The following POLN variants were observed in gnomAD, a reference collection of about 807,000 sequenced individuals.
POLN encodes DNA polymerase nu.
Under a neutral mutation model 113.5 loss-of-function variants are expected in POLN, and 108 were observed. The observed-to-expected ratio is 0.95, with a 90% confidence interval of 0.81 to 1.12. The LOEUF (loss-of-function observed/expected upper bound fraction) is 1.12, where lower values mean the gene tolerates loss of function less well. Ranked by LOEUF, POLN falls within the 50% of genes most tolerant of loss-of-function variation. The pLI is 0.00. For missense variants in POLN, 1,097 were observed against 1,077.1 expected, an observed-to-expected ratio of 1.02 and a Z score of -0.26; for synonymous variants, 386 against 391.5, an observed-to-expected ratio of 0.99 and a Z score of 0.17.
At chr4:2,089,907 G>C (rs541416423) in intron 20 of POLN, 2 of 999,318 alleles carry the variant, frequency 2.0e-6, no homozygotes, top group Admixed American at 4.0e-5. Context: ...GACTTTCACA[G>C]GAATCTCTTG....
chr4:2,156,122 G>A (rs1732417430), intron 16 of POLN, among the ~76,000 whole-genome samples: 2 of 152,142 alleles, frequency 1.3e-5, no homozygotes, highest in South Asian at 2.1e-4. Flanking sequence ...ATGAGCCACC[G>A]CGCCTGGCCT....
chr4:2,159,382 C>A (rs1732521321), intron 13 of POLN, among the ~76,000 whole-genome samples, 171 bp from the exon 14 acceptor site: 1 of 152,172 alleles, frequency 6.6e-6, no homozygotes, highest in Admixed American at 6.5e-5. Flanking sequence ...TAACCCCTTA[C>A]AAAACCATTC....
chr4:2,214,009 G>A (rs1367011410), intron 3 of POLN, among the ~76,000 whole-genome samples: 3 of 152,208 alleles, frequency 2.0e-5, no homozygotes, highest in African/African-American at 4.8e-5. Context: ...GCTGAGGTGG[G>A]TGGATCACCT....
Position 2,129,391 on chromosome 4 carries a change from A to G in POLN, c.1790-135T>C, listed in dbSNP as rs1023679889. 4.9e-5 allele frequency: 29 copies of G among 596,986 alleles called. No individual in the cohort carries two copies. In the African/African-American group the frequency reaches 5.1e-4, roughly 11 times the overall value. 37.0% of individuals were successfully genotyped at this position (596,986 alleles called of 1,614,324 possible). The stretch of plus-strand genomic sequence containing the variant: ...TTAAATTTTTCCGAATATTTTTATT[A>G]ATTTAATTATTTTAGAGATGGGGGT... On this transcript the variant is annotated intron_variant, in intron 17 of 25. Coordinates refer to ENST00000511885, the MANE Select transcript of POLN (RefSeq NM_181808.4).
intron 21 of POLN, among the ~76,000 whole-genome samples, chr4:2,083,432 T>C (rs550676611): frequency 3.3e-5 from 5 of 152,204 alleles, no homozygotes; most frequent in African/African-American, 9.7e-5. Context: ...CTGTCTAGTG[T>C]TGGAAACGGC....
At chr4:2,110,949 G>T (rs1204360816) in intron 19 of POLN, among the ~76,000 whole-genome samples, 6 of 151,978 alleles carry the variant, frequency 3.9e-5, no homozygotes, top group Non-Finnish European at 8.8e-5. Context: ...AAAGAGAATT[G>T]TAGACCAATA....
chr4:2,148,673 A>AGC (rs1732213543), intron 16 of POLN, among the ~76,000 whole-genome samples: 3 of 4,664 alleles, frequency 6.4e-4, no homozygotes, highest in Non-Finnish European at 7.0e-3. Flanking sequence ...TCCCCCCCCC[A>AGC]AAAAAAAAAA....
chr4:2,213,677 T>C (rs1045651693), intron 3 of POLN, among the ~76,000 whole-genome samples: 3 of 151,956 alleles, frequency 2.0e-5, no homozygotes, highest in African/African-American at 7.3e-5. Flanking sequence ...CAACCTGAAA[T>C]GCAAATAGGG....
chr4:2,128,472 T>C (rs1216255561), intron 18 of POLN, among the ~76,000 whole-genome samples: 3 of 152,046 alleles, frequency 2.0e-5, no homozygotes, highest in Non-Finnish European at 4.4e-5. Context: ...TTGTGATAAA[T>C]AGGATGACCA....
intron 4 of POLN, among the ~76,000 whole-genome samples, chr4:2,209,118 G>A (rs1733927837): frequency 6.6e-6 from 1 of 152,114 alleles, no homozygotes; most frequent in South Asian, 2.1e-4. Context: ...CAACTTCCAA[G>A]TAAAAGCCAT....
rs929639532 is a variant in POLN, at chr4:2,193,428, C to T, written c.909-112G>A. The T allele has an allele frequency of 1.6e-5, 10 of 618,534 alleles. No individual in the cohort carries two copies. The African/African-American group carries it at 2.0e-4, about 12-fold the overall frequency. The allele number at this position is 618,534 out of a possible 1,614,324, so 38.3% of individuals were successfully genotyped here. On this transcript the variant is annotated intron_variant, in intron 6 of 25. Transcript: ENST00000511885. The stretch of plus-strand genomic sequence containing the variant: ...CTATCACTTAGATAGCACATACACA[C>T]ATTCACTAAAGAATTCCAAGAGGTC...
chr4:2,151,931 G>A (rs961775961), intron 16 of POLN, among the ~76,000 whole-genome samples: 2 of 152,104 alleles, frequency 1.3e-5, no homozygotes, highest in Non-Finnish European at 2.9e-5. Flanking sequence ...AGGACCAGAA[G>A]CAATAACTTT....
In POLN at chr4:2,157,842, T is replaced by C. The variant is rs377316557; in HGVS notation, c.1665+16A>G. 1.3e-6 allele frequency: 2 copies of C among 1,585,580 alleles called. No individual in the cohort carries two copies. Among genetic ancestry groups the C allele is most frequent in the African/African-American group, 1.3e-5 (1 of 74,240 alleles). On this transcript the variant is annotated intron_variant, in intron 15 of 25. Coordinates refer to ENST00000511885, the MANE Select transcript of POLN (RefSeq NM_181808.4). ...CCACAGTCCTAATCACAGTATCTTTTTGTAAAGCTTGTTACCTTTTTCATG... is the reference window on the plus strand; with the variant it reads ...CCACAGTCCTAATCACAGTATCTTTCTGTAAAGCTTGTTACCTTTTTCATG...
intron 23 of POLN, chr4:2,080,552 G>C (rs546581013): frequency 8.5e-7 from 1 of 1,179,188 alleles, no homozygotes; most frequent in Non-Finnish European, 1.1e-6. Flanking sequence ...AGAGCTGGGC[G>C]TGGGGCACAC....
At chr4:2,089,643 A>T in intron 20 of POLN, 1 of 814,918 alleles carries the variant, frequency 1.2e-6, no homozygotes, top group Admixed American at 3.0e-5. Flanking sequence ...TTAAGCACAA[A>T]GGATTATCTG....
In POLN at chr4:2,081,439, A is replaced by G. The variant is rs34481091; in HGVS notation, c.2308+194T>C. 2,183 of 642,804 alleles carry G rather than the reference A, an allele frequency of 3.4e-3. 8 individuals carry two copies. The highest frequency in any genetic ancestry group is 5.1e-3 in the Non-Finnish European group (1,871 of 365,126). The allele number at this position is 642,804 out of a possible 1,614,324, so 39.8% of individuals were successfully genotyped here. A position where few individuals can be genotyped will look rare whatever the true frequency, so the allele number is the denominator to read the frequency against. ...GGAATCATCCAATCATCCTAGCTAC[A>G]AAGATGACCGTGTCCCCTCATGCCT... On this transcript the variant is annotated intron_variant, in intron 22 of 25. Transcript: ENST00000511885.
chr4:2,123,388 G>A (rs1008539685), intron 19 of POLN, among the ~76,000 whole-genome samples: 12 of 152,062 alleles, frequency 7.9e-5, no homozygotes, highest in Admixed American at 7.2e-4. Flanking sequence ...CACTTTGGGA[G>A]GCCGAGGCAG....
intron 7 of POLN, among the ~76,000 whole-genome samples, chr4:2,180,797 C>A (rs1375235839): frequency 2.0e-5 from 3 of 152,176 alleles, no homozygotes; most frequent in Non-Finnish European, 4.4e-5. Flanking sequence ...TCTCTTGCAA[C>A]TGACAAACTG....
chr4:2,097,050 G>A (rs887527573), intron 19 of POLN, among the ~76,000 whole-genome samples: 1 of 152,132 alleles, frequency 6.6e-6, no homozygotes, highest in Non-Finnish European at 1.5e-5. Flanking sequence ...GTGCTTCATT[G>A]TTTGCCTCAA....
Sources: allele counts gnomAD v4.1 joint callset (sites outside exome capture counted in the v4.1 genomes callset), GRCh38; gene constraint gnomAD v4.1.1; transcripts MANE v1.5; gene names NCBI Gene and HGNC (gene_info 2026-07-23, HGNC 2026-07-21).